The following XKR9 variants were observed in gnomAD, a reference collection of about 807,000 sequenced individuals.
The protein encoded by XKR9 is XK-related protein 9.
A neutral mutation model predicts 32.0 loss-of-function variants in XKR9; 32 were observed. That is an observed-to-expected ratio of 1.00 (90% CI 0.76 to 1.34). The LOEUF (loss-of-function observed/expected upper bound fraction) is 1.34. XKR9 is among the 40% of genes most tolerant of loss of function. The pLI is 0.00. For missense variants in XKR9, 546 were observed against 429.7 expected (o/e 1.27, Z -2.39); for synonymous variants, 168 against 143.4 (o/e 1.17, Z -1.22).
chr8:70,916,586 C>T, the XKR9 span, among the ~76,000 whole-genome samples: 2 of 152,072 alleles, frequency 1.3e-5, no homozygotes, highest in Non-Finnish European at 2.9e-5. Context: ...TAGTATAAGT[C>T]CTTCAACTTT....
chr8:70,699,471 G>T (rs1303910197), intron 3 of XKR9, among the ~76,000 whole-genome samples: 3 of 152,126 alleles, frequency 2.0e-5, no homozygotes, highest in East Asian at 1.9e-4. Context: ...TGAATTTCTG[G>T]GTTGAAAATT....
the XKR9 span, among the ~76,000 whole-genome samples, chr8:70,858,788 A>T: frequency 6.6e-6 from 1 of 152,150 alleles, no homozygotes; most frequent in Non-Finnish European, 1.5e-5. Flanking sequence ...TGGTGCTGGG[A>T]AAACTAGATA....
chr8:70,841,238 C>T, the XKR9 span, among the ~76,000 whole-genome samples: 4 of 151,974 alleles, frequency 2.6e-5, no homozygotes, highest in Non-Finnish European at 5.9e-5. Context: ...GATTTCTTAG[C>T]TTTTATTGAG....
the XKR9 span, among the ~76,000 whole-genome samples, chr8:70,947,683 T>A: frequency 1.4e-4 from 21 of 152,350 alleles, no homozygotes; most frequent in South Asian, 2.9e-3. Flanking sequence ...GGCTCACTTG[T>A]GAACTGTTTT....
chr8:70,912,855 C>A, the XKR9 span, among the ~76,000 whole-genome samples: 1 of 152,144 alleles, frequency 6.6e-6, no homozygotes, highest in South Asian at 2.1e-4. Context: ...GTTTTAATAC[C>A]TTAAAAAGTC....
chr8:70,742,136 A>G (rs1043177409), intron 2 of XKR9, among the ~76,000 whole-genome samples: 4 of 152,198 alleles, frequency 2.6e-5, no homozygotes, highest in Non-Finnish European at 5.9e-5. Flanking sequence ...TTAAGGGTTA[A>G]CATCCAGAGT....
At chr8:70,831,678 CTT>C in the XKR9 span, among the ~76,000 whole-genome samples, 10 of 152,096 alleles carry the variant, frequency 6.6e-5, no homozygotes, top group South Asian at 1.5e-3. Flanking sequence ...TTTTATGAAA[CTT>C]ATATTCAGAT....
At chr8:70,698,031 TC>T (rs1195133208) in intron 3 of XKR9, among the ~76,000 whole-genome samples, 2 of 152,158 alleles carry the variant, frequency 1.3e-5, no homozygotes, top group African/African-American at 4.8e-5. Flanking sequence ...GGTGGTGATA[TC>T]CCCTTTATCA....
the XKR9 span, among the ~76,000 whole-genome samples, chr8:70,973,962 A>G: frequency 6.6e-6 from 1 of 152,272 alleles, no homozygotes; most frequent in South Asian, 2.1e-4. Flanking sequence ...ATGTTTCATC[A>G]ATATCTGTTT....
At chr8:71,045,620 T>C in the XKR9 span, among the ~76,000 whole-genome samples, 238 of 152,242 alleles carry the variant, frequency 1.6e-3, 1 homozygote, top group African/African-American at 5.4e-3. Context: ...TGCACACAAC[T>C]TAGCAGCAGG....
At chr8:70,864,803 C>T in the XKR9 span, among the ~76,000 whole-genome samples, 6 of 152,220 alleles carry the variant, frequency 3.9e-5, no homozygotes, top group Non-Finnish European at 4.4e-5. Context: ...TTAACCTTAT[C>T]GGTTCTCTAG....
chr8:71,032,930 CA>C, the XKR9 span, among the ~76,000 whole-genome samples: 1 of 151,938 alleles, frequency 6.6e-6, no homozygotes, highest in African/African-American at 2.4e-5. Flanking sequence ...GCTAAAAATA[CA>C]AAATTAGCTG....
chr8:70,803,078 T>A, the XKR9 span, among the ~76,000 whole-genome samples: 2 of 152,188 alleles, frequency 1.3e-5, no homozygotes, highest in African/African-American at 4.8e-5. Flanking sequence ...CCCTCTCTTT[T>A]AGGGTTGACA....
chr8:70,733,186 T>A (rs1233312186), intron 4 of XKR9, among the ~76,000 whole-genome samples: 5 of 152,232 alleles, frequency 3.3e-5, no homozygotes, highest in Non-Finnish European at 4.4e-5. Context: ...GGTATAGATA[T>A]CAATCCTACA....
chr8:70,749,411 G>A (rs182903850), intron 2 of XKR9, among the ~76,000 whole-genome samples: 5 of 151,518 alleles, frequency 3.3e-5, no homozygotes, highest in Admixed American at 6.6e-5. Context: ...TTGGAGTTCT[G>A]TGGTTACCTG....
the XKR9 span, among the ~76,000 whole-genome samples, chr8:70,900,752 C>T: frequency 2.0e-5 from 3 of 152,070 alleles, no homozygotes. Flanking sequence ...TGTTGGTGTA[C>T]TGCACCGGTT....
chr8:70,765,210 CA>C (rs1807358999), intron 2 of XKR9, among the ~76,000 whole-genome samples: 1 of 152,202 alleles, frequency 6.6e-6, no homozygotes, highest in African/African-American at 2.4e-5. Context: ...CTCCCACCAA[CA>C]GTGTAAAAGC....
chr8:71,049,625 G>A, the XKR9 span, among the ~76,000 whole-genome samples: 1 of 152,182 alleles, frequency 6.6e-6, no homozygotes, highest in Non-Finnish European at 1.5e-5. Context: ...GAATGGGGGA[G>A]AAGCTTCAGA....
chr8:70,817,944 C>T, the XKR9 span, among the ~76,000 whole-genome samples: 1 of 152,152 alleles, frequency 6.6e-6, no homozygotes, highest in South Asian at 2.1e-4. Flanking sequence ...CTATCTTTCA[C>T]CATATACAAA....
Sources: allele counts gnomAD v4.1 joint callset (sites outside exome capture counted in the v4.1 genomes callset), GRCh38; gene constraint gnomAD v4.1.1; transcripts MANE v1.5; gene names NCBI Gene and HGNC (gene_info 2026-07-23, HGNC 2026-07-21).